The following COX7B2 variants were observed in gnomAD, a reference collection of about 807,000 sequenced individuals.
The protein encoded by COX7B2 is cytochrome c oxidase subunit 7B2, mitochondrial.
For synonymous variants in COX7B2, 37 were observed against 32.1 expected (o/e 1.15, Z -0.51); for missense variants, 109 against 95.9 (o/e 1.14, Z -0.57).
intron 2 of COX7B2, among the ~76,000 whole-genome samples, chr4:46,837,641 C>T (rs1034522607): frequency 6.6e-6 from 1 of 151,890 alleles, no homozygotes; most frequent in African/African-American, 2.4e-5. Flanking sequence ...CTGAATTGTA[C>T]ACTTAAAAAT....
rs79264615 is a variant in COX7B2, at chr4:46,868,702, C to A, written c.-104-23688G>T. 4.5e-3 allele frequency among the ~76,000 whole-genome samples: 680 copies of A among 152,250 alleles called. 6 individuals carry two copies. Among genetic ancestry groups the A allele is most frequent in the African/African-American group, 0.016 (657 of 41,558 alleles). On this transcript the variant is annotated intron_variant, in intron 1 of 2. Coordinates refer to ENST00000355591, the MANE Select transcript of COX7B2 (RefSeq NM_130902.3). Reference sequence around the variant, plus strand: ...TTTTAAGCAATCTTCTTAGTCCTGACTTCTATTTGTTAATTGAATGTGGTC... The same window carrying A: ...TTTTAAGCAATCTTCTTAGTCCTGAATTCTATTTGTTAATTGAATGTGGTC...
intron 2 of COX7B2, among the ~76,000 whole-genome samples, chr4:46,818,510 G>T (rs568014522): frequency 6.6e-6 from 1 of 151,932 alleles, no homozygotes; most frequent in Non-Finnish European, 1.5e-5. Flanking sequence ...GGTGGCGAGC[G>T]CCTGTAGTCC....
In COX7B2 at chr4:46,824,220, G is replaced by T. The variant is rs537226574; in HGVS notation, c.-50+20740C>A. 2.0e-5 allele frequency among the ~76,000 whole-genome samples: 3 copies of T among 152,032 alleles called. No individual in the cohort carries two copies. In the East Asian group the frequency reaches 5.8e-4, roughly 29 times the overall value. On this transcript the variant is annotated intron_variant, in intron 2 of 2. Coordinates refer to ENST00000355591, the MANE Select transcript of COX7B2 (RefSeq NM_130902.3). The stretch of plus-strand genomic sequence containing the variant: ...AAAGCCCAGGACCTGATGGATTCAC[G>T]GTCAAATTCTACAGCTGTACAAAGA...
intron 2 of COX7B2, among the ~76,000 whole-genome samples, chr4:46,738,243 C>T (rs1714484276): frequency 6.6e-6 from 1 of 152,100 alleles, no homozygotes; most frequent in Non-Finnish European, 1.5e-5. Context: ...TTTTCTTATA[C>T]TCATGATGTT....
chr4:46,805,656 T>G (rs1419521133), intron 2 of COX7B2, among the ~76,000 whole-genome samples: 2 of 152,230 alleles, frequency 1.3e-5, no homozygotes, highest in African/African-American at 4.8e-5. Context: ...AATTTGTATT[T>G]CCCTCTCCTT....
intron 2 of COX7B2, among the ~76,000 whole-genome samples, chr4:46,814,875 A>T (rs1719467828): frequency 6.6e-6 from 1 of 152,194 alleles, no homozygotes; most frequent in African/African-American, 2.4e-5. Flanking sequence ...CCAATAAATT[A>T]GATGTGGTTT....
chr4:46,797,828 A>G (rs1344651114), intron 2 of COX7B2, among the ~76,000 whole-genome samples: 1 of 152,214 alleles, frequency 6.6e-6, no homozygotes, highest in Non-Finnish European at 1.5e-5. Context: ...GGCAAATAAC[A>G]CATCCTCTGG....
intron 2 of COX7B2, among the ~76,000 whole-genome samples, chr4:46,775,808 C>A (rs73813562): frequency 1.3e-5 from 2 of 151,930 alleles, no homozygotes; most frequent in African/African-American, 2.4e-5. Context: ...CTTATCGTAT[C>A]GTATAAAGAA....
At chr4:46,808,830 A>C (rs1377331040) in intron 2 of COX7B2, among the ~76,000 whole-genome samples, 1 of 151,942 alleles carries the variant, frequency 6.6e-6, no homozygotes, top group African/African-American at 2.4e-5. Flanking sequence ...AATGTGATGT[A>C]TCACATTGAT....
At chr4:46,755,068 C>T (rs1410422149) in intron 2 of COX7B2, among the ~76,000 whole-genome samples, 2 of 151,706 alleles carry the variant, frequency 1.3e-5, no homozygotes, top group East Asian at 1.9e-4. Flanking sequence ...AATCCAACAG[C>T]ACATCAAAAA....
chr4:46,821,960 A>G (rs185693407), intron 2 of COX7B2, among the ~76,000 whole-genome samples: 9 of 152,166 alleles, frequency 5.9e-5, no homozygotes, highest in Admixed American at 4.6e-4. Flanking sequence ...TCGCCAGGCT[A>G]GAGTGCAGTG....
intron 2 of COX7B2, among the ~76,000 whole-genome samples, chr4:46,824,548 CAAAA>C: frequency 6.7e-6 from 1 of 148,854 alleles, no homozygotes; most frequent in Admixed American, 6.7e-5. Flanking sequence ...AACAAACAAA[CAAAA>C]AAACACTTAA....
At chr4:46,811,155 A>C (rs1156941211) in intron 2 of COX7B2, among the ~76,000 whole-genome samples, 2 of 152,136 alleles carry the variant, frequency 1.3e-5, no homozygotes, top group Non-Finnish European at 2.9e-5. Context: ...ATATATTTGG[A>C]AATCTCTGAG....
At chr4:46,738,672 A>G (rs1458962729) in intron 2 of COX7B2, among the ~76,000 whole-genome samples, 1 of 152,122 alleles carries the variant, frequency 6.6e-6, no homozygotes, top group African/African-American at 2.4e-5. Flanking sequence ...CTAAAGAACT[A>G]AAGCTACAGG....
chr4:46,844,377 T>C (rs904875659), intron 2 of COX7B2, among the ~76,000 whole-genome samples: 1 of 151,930 alleles, frequency 6.6e-6, no homozygotes, highest in African/African-American at 2.4e-5. Context: ...AAATATTAAA[T>C]ACAAATGTCT....
intron 2 of COX7B2, among the ~76,000 whole-genome samples, chr4:46,826,790 T>A (rs1404745718): frequency 6.6e-6 from 1 of 152,138 alleles, no homozygotes; most frequent in Non-Finnish European, 1.5e-5. Context: ...TGTTCTCACG[T>A]ATAAGTGGAA....
At position 46,841,545 on chromosome 4, in the gene COX7B2, A is replaced by C. The variant is rs150115520; in HGVS notation, c.-50+3415T>G. 4.4e-3 allele frequency among the ~76,000 whole-genome samples: 674 copies of C among 152,022 alleles called. 6 individuals are homozygous for C. Among genetic ancestry groups the C allele is most frequent in the African/African-American group, 0.016 (653 of 41,508 alleles). The stretch of plus-strand genomic sequence containing the variant: ...TATCTTAGTAAGACATAATAATATG[A>C]ATACATACTCATAATAATGCCTATA... On this transcript the variant is annotated intron_variant, in intron 2 of 2. Coordinates refer to ENST00000355591, the MANE Select transcript of COX7B2 (RefSeq NM_130902.3).
intron 2 of COX7B2, among the ~76,000 whole-genome samples, chr4:46,755,194 T>A (rs1298704143): frequency 6.6e-6 from 1 of 151,948 alleles, no homozygotes; most frequent in Non-Finnish European, 1.5e-5. Context: ...AACCACATGA[T>A]CATCTCAGTA....
intron 1 of COX7B2, among the ~76,000 whole-genome samples, chr4:46,859,405 A>T (rs764692506): frequency 2.0e-5 from 3 of 152,190 alleles, no homozygotes; most frequent in Non-Finnish European, 4.4e-5. Flanking sequence ...TGAATCTGAC[A>T]TTTACAAGTC....
Sources: gnomAD v4.1 joint callset for allele counts (sites outside exome capture counted in the v4.1 genomes callset) on GRCh38, gnomAD v4.1.1 for gene constraint, MANE v1.5 for transcripts, NCBI Gene and HGNC (gene_info 2026-07-23, HGNC 2026-07-21) for gene names.